The following NUBPL variants were observed in gnomAD, a reference collection of about 807,000 sequenced individuals.
NUBPL encodes iron-sulfur cluster transfer protein NUBPL.
In NUBPL, 31 loss-of-function variants were observed where a neutral mutation model predicts 45.7. The observed-to-expected ratio is 0.68, with a 90% CI of 0.51 to 0.92. NUBPL has a LOEUF of 0.92. Among genes scored for constraint, NUBPL ranks in the 40% least tolerant of loss-of-function variants. The pLI is 0.00. For missense variants in NUBPL, 401 were observed against 398.7 expected, an observed-to-expected ratio of 1.01 and a Z score of -0.05; for synonymous variants, 144 against 140.9, an observed-to-expected ratio of 1.02 and a Z score of -0.15.
intron 7 of NUBPL, among the ~76,000 whole-genome samples, chr14:31,804,414 C>G (rs1477082951): frequency 6.6e-6 from 1 of 152,048 alleles, no homozygotes; most frequent in Non-Finnish European, 1.5e-5. Context: ...TAAAAGCTTC[C>G]CCAGATGATT....
intron 6 of NUBPL, among the ~76,000 whole-genome samples, chr14:31,729,682 GTTAT>G (rs544000187): frequency 2.0e-5 from 3 of 151,756 alleles, no homozygotes; most frequent in Non-Finnish European, 4.4e-5. Flanking sequence ...TCTTAACACT[GTTAT>G]TTATTCTAAT....
chr14:31,802,528 G>T (rs1426707408), intron 7 of NUBPL, among the ~76,000 whole-genome samples: 2 of 151,972 alleles, frequency 1.3e-5, no homozygotes, highest in Non-Finnish European at 2.9e-5. Flanking sequence ...CACCCACCTG[G>T]GCCTCCCAAA....
At chr14:31,771,958 G>A in intron 6 of NUBPL, 1 of 812,008 alleles carries the variant, frequency 1.2e-6, no homozygotes, top group Non-Finnish European at 1.5e-6. Flanking sequence ...ACGCAGTAAT[G>A]TCCTTCAAGT....
intron 6 of NUBPL, among the ~76,000 whole-genome samples, chr14:31,775,399 CAA>C (rs976380626): frequency 6.6e-6 from 1 of 152,078 alleles, no homozygotes; most frequent in African/African-American, 2.4e-5. Context: ...GCCTGGGCGA[CAA>C]GAGCAAAACT....
intron 6 of NUBPL, among the ~76,000 whole-genome samples, chr14:31,776,584 A>C (rs1297276794): frequency 6.6e-6 from 1 of 152,144 alleles, no homozygotes; most frequent in East Asian, 1.9e-4. Context: ...CTCTTAATTC[A>C]GTCCTTACTC....
rs138731565 is a variant in NUBPL at position 31,760,690 on chromosome 14, A to T, written c.514-27090A>T. ...GGCTGATTAGTATTCCATTGTGTAT[A>T]TGTACCACATTTTTGTTATCCATTG... On this transcript the variant is annotated intron_variant, in intron 6 of 10. Transcript: ENST00000281081. Among the ~76,000 whole-genome samples, 1,482 of 152,164 alleles carry T rather than the reference A, an allele frequency of 9.7e-3. 26 individuals are homozygous for T. The highest frequency in any genetic ancestry group is 0.033 in the African/African-American group (1,386 of 41,508).
intron 2 of NUBPL, among the ~76,000 whole-genome samples, chr14:31,562,600 TTTTG>T (rs1330925685): frequency 8.0e-6 from 1 of 125,010 alleles, no homozygotes; most frequent in Admixed American, 9.5e-5. Flanking sequence ...AACTTTTTTT[TTTTG>T]TTTTTTTTTT....
At chr14:31,699,817 A>G (rs1172639540) in intron 6 of NUBPL, among the ~76,000 whole-genome samples, 2 of 152,190 alleles carry the variant, frequency 1.3e-5, no homozygotes, top group African/African-American at 4.8e-5. Flanking sequence ...AAGTCTTTTT[A>G]GTAGTGTTTG....
chr14:31,647,342 T>C (rs977473287), intron 4 of NUBPL, among the ~76,000 whole-genome samples: 4 of 152,226 alleles, frequency 2.6e-5, no homozygotes, highest in Non-Finnish European at 5.9e-5. Context: ...TGGTTTTTAT[T>C]GGATATGTTT....
intron 4 of NUBPL, among the ~76,000 whole-genome samples, chr14:31,628,835 A>T (rs74518116): frequency 0.063 from 9,641 of 152,272 alleles, 413 homozygotes; most frequent in Non-Finnish European, 0.091. Context: ...GATGTGATAA[A>T]TTGAATAATT....
intron 4 of NUBPL, among the ~76,000 whole-genome samples, chr14:31,628,299 A>C (rs1316575765): frequency 6.6e-6 from 1 of 152,204 alleles, no homozygotes; most frequent in Non-Finnish European, 1.5e-5. Flanking sequence ...ATAGCCATGC[A>C]TGATTTTATA....
intron 6 of NUBPL, among the ~76,000 whole-genome samples, chr14:31,760,109 C>G (rs920981744): frequency 2.1e-5 from 2 of 95,646 alleles, no homozygotes; most frequent in African/African-American, 9.0e-5. Context: ...TTCTATTACT[C>G]TATTACTTCT....
At chr14:31,716,946 A>G (rs1471850453) in intron 6 of NUBPL, among the ~76,000 whole-genome samples, 1 of 152,006 alleles carries the variant, frequency 6.6e-6, no homozygotes, top group Non-Finnish European at 1.5e-5. Context: ...CTTCCCTACA[A>G]TGTCCACCCT....
chr14:31,806,218 GTC>G (rs2039682639), intron 7 of NUBPL, among the ~76,000 whole-genome samples: 1 of 152,112 alleles, frequency 6.6e-6, no homozygotes, highest in South Asian at 2.1e-4. Context: ...TAAAGTCTCT[GTC>G]TCTATTCCTT....
chr14:31,651,714 T>C (rs2139740936), intron 4 of NUBPL, among the ~76,000 whole-genome samples: 1 of 152,024 alleles, frequency 6.6e-6, no homozygotes, highest in African/African-American at 2.4e-5. Flanking sequence ...CTGGCTAACA[T>C]GGTGAAACCC....
At chr14:31,757,435 T>C (rs2038694129) in intron 6 of NUBPL, among the ~76,000 whole-genome samples, 1 of 151,576 alleles carries the variant, frequency 6.6e-6, no homozygotes, top group African/African-American at 2.4e-5. Flanking sequence ...CTTGGGAGGG[T>C]GTATATGTTG....
At chr14:31,583,387 A>G (rs2033914420) in intron 3 of NUBPL, among the ~76,000 whole-genome samples, 1 of 152,198 alleles carries the variant, frequency 6.6e-6, no homozygotes, top group South Asian at 2.1e-4. Flanking sequence ...ACGTTTATTA[A>G]CTACCTGCTA....
intron 4 of NUBPL, among the ~76,000 whole-genome samples, chr14:31,640,093 C>T (rs2035640109): frequency 6.6e-6 from 1 of 152,178 alleles, no homozygotes; most frequent in African/African-American, 2.4e-5. Flanking sequence ...TGCACCCACT[C>T]TCCTGCGCCC....
At chr14:31,792,887 A>T (rs1289523955) in intron 7 of NUBPL, among the ~76,000 whole-genome samples, 1 of 152,124 alleles carries the variant, frequency 6.6e-6, no homozygotes, top group Non-Finnish European at 1.5e-5. Flanking sequence ...AGCTCCCAAG[A>T]TTTAGAGGGA....
Sources: gnomAD v4.1 joint callset for allele counts (sites outside exome capture counted in the v4.1 genomes callset) on GRCh38, gnomAD v4.1.1 for gene constraint, MANE v1.5 for transcripts, NCBI Gene and HGNC (gene_info 2026-07-23, HGNC 2026-07-21) for gene names.